The following ANGPTL1 variants were observed in gnomAD, a reference collection of about 807,000 sequenced individuals.
ANGPTL1 encodes the protein angiopoietin like 1.
ANGPTL1 carries 36 observed loss-of-function variants against 46.7 expected under a neutral mutation model. The ratio of observed to expected loss-of-function variants is 0.77; its 90% CI spans 0.59 to 1.02. The LOEUF is 1.02. Ranked by LOEUF, ANGPTL1 falls within the 50% of genes least tolerant of loss-of-function variation. ANGPTL1 has a pLI of 0.00. For missense variants in ANGPTL1, 571 were observed against 594.7 expected, an observed-to-expected ratio of 0.96 and a Z score of 0.41; for synonymous variants, 221 against 204.3, an observed-to-expected ratio of 1.08 and a Z score of -0.69.
intron 3 of ANGPTL1, among the ~76,000 whole-genome samples, chr1:178,856,198 GAGAGATATATATATATATAT>G (rs1377818331): frequency 3.0e-4 from 14 of 47,268 alleles, no homozygotes; most frequent in African/African-American, 8.1e-4. Context: ...TCCAGAGAGA[GAGAGATATATATATATATAT>G]ATATATATAT....
Position 178,865,415 on chromosome 1 carries a change from T to C in ANGPTL1, c.362A>G (p.Lys121Arg). 6.2e-7 allele frequency: 1 copy of C among 1,614,064 alleles called. No individual in the cohort carries two copies. Among genetic ancestry groups the C allele is most frequent in the Non-Finnish European group, 8.5e-7 (1 of 1,179,994 alleles). ...NIVNEVKLLRKESRNMNSRVT... is the reference protein window; with the variant it reads ...NIVNEVKLLRRESRNMNSRVT... The stretch of plus-strand genomic sequence containing the variant: ...ACGAGAGTTCATGTTACGGCTTTCC[T>C]TTCTCAGCAGCTTTACCTCATTCAC... The change falls in exon 3 of 6, where the codon AAG becomes AGG. Residue 121 changes from lysine (K) to arginine (R), a missense_variant. Transcript: ENST00000234816.
At chr1:178,863,413 T>C (rs1472251103) in intron 3 of ANGPTL1, among the ~76,000 whole-genome samples, 1 of 152,170 alleles carries the variant, frequency 6.6e-6, no homozygotes, top group Non-Finnish European at 1.5e-5. Context: ...CAGTGTAATA[T>C]CATATAGAAA....
At chr1:178,851,784 T>C (rs1206907433) in intron 5 of ANGPTL1, among the ~76,000 whole-genome samples, 1 of 152,156 alleles carries the variant, frequency 6.6e-6, no homozygotes, top group Non-Finnish European at 1.5e-5. Flanking sequence ...TCTTTTCTCG[T>C]TTACCAGTGT....
Position 178,851,046 on chromosome 1 carries a change from A to G in ANGPTL1, c.*83T>C. The G allele has an allele frequency of 2.3e-6, 3 of 1,283,618 alleles. No homozygotes were observed. Among genetic ancestry groups the G allele is most frequent in the Middle Eastern group, 2.0e-4 (1 of 4,944 alleles). The allele number at this position is 1,283,618 out of a possible 1,614,324, so 79.5% of individuals were successfully genotyped here. ...TTTCTGTGTAGAAATAAATTGTGCCAAGTAATATACATGTAACATTTACAT... is the reference window on the plus strand; with the variant it reads ...TTTCTGTGTAGAAATAAATTGTGCCGAGTAATATACATGTAACATTTACAT... On this transcript the variant is annotated 3_prime_UTR_variant, in exon 6 of 6. Coordinates refer to ENST00000234816, the MANE Select transcript of ANGPTL1 (RefSeq NM_004673.4).
Position 178,865,047 on chromosome 1 carries a change from C to A in ANGPTL1, c.730G>T (p.Gly244Cys). 6.6e-7 allele frequency: 1 copy of A among 1,506,038 alleles called. No homozygotes were observed. The highest frequency in any genetic ancestry group is 8.9e-7 in the Non-Finnish European group (1 of 1,127,884). The allele number at this position is 1,506,038 out of a possible 1,614,324, so 93.3% of individuals were successfully genotyped here. Residue 244 changes from glycine (G) to cysteine (C), a missense_variant, in exon 3 of 6, where the codon GGT (glycine) becomes TGT (cysteine). By Grantham distance (159) the Gly-to-Cys change is radical. Coordinates refer to ENST00000234816, the MANE Select transcript of ANGPTL1 (RefSeq NM_004673.4). ...LGGNEIQRDPGYPRDLMPPPD... is the reference protein window; with the variant it reads ...LGGNEIQRDPCYPRDLMPPPD... ...GGTGGCATTAAATCTCTGGGATAAC[C>A]TGGATCCCTCTGAATCTCGTTACCT... is the stretch of plus-strand genomic sequence containing the variant.
intron 3 of ANGPTL1, among the ~76,000 whole-genome samples, chr1:178,858,485 A>G (rs1172855081): frequency 6.6e-6 from 1 of 152,182 alleles, no homozygotes; most frequent in African/African-American, 2.4e-5. Context: ...TTTGTTCATG[A>G]TGATTCAAAA....
Position 178,871,044 on chromosome 1 carries a change from A to G in ANGPTL1, c.-440T>C, listed in dbSNP as rs1658728613. The stretch of plus-strand genomic sequence containing the variant: ...GTCTGCCACATGGAGAAATGCAGTA[A>G]CCAGCTGCAGCTGACCCAGATTGTA... On this transcript the variant is annotated 5_prime_UTR_variant, in exon 1 of 6. Coordinates refer to ENST00000234816, the MANE Select transcript of ANGPTL1 (RefSeq NM_004673.4). The G allele has an allele frequency of 1.3e-5, 2 of 152,190 alleles. No homozygotes were observed. Among genetic ancestry groups the G allele is most frequent in the Non-Finnish European group, 2.9e-5 (2 of 68,046 alleles). The allele number at this position is 152,190 out of a possible 1,614,324, so 9.4% of individuals were successfully genotyped here.
Position 178,865,593 on chromosome 1 carries a change from C to T in ANGPTL1, c.184G>A (p.Gly62Arg). 6.2e-7 allele frequency: 1 copy of T among 1,614,002 alleles called. No homozygotes were observed. The highest frequency in any genetic ancestry group is 8.5e-7 in the Non-Finnish European group (1 of 1,179,930). Reference protein sequence around the residue: ...TFLVPEQRITGPICVNTKGQD... With the variant: ...TFLVPEQRITRPICVNTKGQD... ...CCCTTGGTGTTGACACAGATTGGCC[C>T]TGTTATTCTTTGTTCAGGTACCAGG... is the stretch of plus-strand genomic sequence containing the variant. The change falls in exon 3 of 6, where the codon GGG (glycine) becomes AGG (arginine). Residue 62 changes from glycine to arginine, a missense_variant. Transcript: ENST00000234816.
intron 3 of ANGPTL1, among the ~76,000 whole-genome samples, chr1:178,856,190 CAGAG>C (rs139246466): frequency 0.022 from 1,489 of 68,902 alleles, 47 homozygotes; most frequent in East Asian, 0.1. Flanking sequence ...TGTACTTTTC[CAGAG>C]AGAGAGAGAT....
chr1:178,863,681 G>A (rs1269651507), intron 3 of ANGPTL1, among the ~76,000 whole-genome samples: 1 of 151,918 alleles, frequency 6.6e-6, no homozygotes, highest in Non-Finnish European at 1.5e-5. Context: ...TCTGAGCAGT[G>A]GTGATACTTG....
Position 178,850,091 on chromosome 1 carries a change from A to G in ANGPTL1, c.*1038T>C, listed in dbSNP as rs960204518. 8 of 152,670 alleles carry G rather than the reference A, an allele frequency of 5.2e-5. No homozygotes were observed. Among genetic ancestry groups the G allele is most frequent in the Non-Finnish European group, 1.2e-4 (8 of 68,058 alleles). The allele number at this position is 152,670 out of a possible 1,614,324, so 9.5% of individuals were successfully genotyped here. On this transcript the variant is annotated 3_prime_UTR_variant, in exon 6 of 6. Coordinates refer to ENST00000234816, the MANE Select transcript of ANGPTL1 (RefSeq NM_004673.4). The stretch of plus-strand genomic sequence containing the variant: ...TGAAATTAGCAGTTTGGACTAAGCT[A>G]TGCCCCTGTGGCTTCTGCTCTGGAG...
At chr1:178,857,710 A>G (rs1329201063) in intron 3 of ANGPTL1, among the ~76,000 whole-genome samples, 2 of 152,144 alleles carry the variant, frequency 1.3e-5, no homozygotes, top group Non-Finnish European at 1.5e-5. Flanking sequence ...ATTTTCGTAA[A>G]TGTTTACTCT....
rs551634791 is a variant in ANGPTL1 at position 178,852,952 on chromosome 1, T to C, written c.1019A>G (p.Lys340Arg). 2.4e-5 allele frequency: 39 copies of C among 1,606,270 alleles called. No individual in the cohort carries two copies. The highest frequency in any genetic ancestry group is 1.2e-4 in the Admixed American group (7 of 58,438). The part of the protein sequence containing the change: ...NFFRNWENYK[K>R]GFGNIDGEYW... ...TTCTCCGTCAATGTTTCCAAACCCT[T>C]TCTGTTAATAAGTGAAGAAACATGA... is the stretch of plus-strand genomic sequence containing the variant. The change falls in exon 5 of 6, where the codon AAA (lysine) becomes AGA (arginine). Residue 340 changes from lysine to arginine, a missense_variant and splice_region_variant. By Grantham distance (26) the Lys-to-Arg change is conservative. Coordinates refer to ENST00000234816, the MANE Select transcript of ANGPTL1 (RefSeq NM_004673.4).
chr1:178,869,167 T>C lies in ANGPTL1; in HGVS notation c.-80A>G, dbSNP rs1658596737. 6.6e-6 allele frequency: 1 copy of C among 152,078 alleles called. No homozygotes were observed. Among genetic ancestry groups the C allele is most frequent in the Non-Finnish European group, 1.5e-5 (1 of 67,940 alleles). The allele number at this position is 152,078 out of a possible 1,614,324, so 9.4% of individuals were successfully genotyped here. Reference sequence around the variant, plus strand: ...TTTTAGAAGAGAAAAAAAAGTCTTCTATGCGTTGGGTTAATTTTATTAGTA... The same window carrying C: ...TTTTAGAAGAGAAAAAAAAGTCTTCCATGCGTTGGGTTAATTTTATTAGTA... On this transcript the variant is annotated 5_prime_UTR_variant, in exon 2 of 6. The change creates a new upstream start codon in the 5' untranslated region. Transcript: ENST00000234816.
intron 3 of ANGPTL1, among the ~76,000 whole-genome samples, chr1:178,856,420 T>TTTTTTTTTTTTTG (rs1558152822): frequency 9.1e-5 from 11 of 120,578 alleles, no homozygotes; most frequent in African/African-American, 3.8e-4. Context: ...TTTTTTTTTT[T>TTTTTTTTTTTTTG]TTTTTTGAGA....
In ANGPTL1 at chr1:178,856,965, G is replaced by A. The variant is rs561244496; in HGVS notation, c.824-3178C>T. Among the ~76,000 whole-genome samples, 4 of 152,220 alleles carry A rather than the reference G, an allele frequency of 2.6e-5. No homozygotes were observed. The South Asian group carries it at 8.3e-4, about 32-fold the overall frequency. On this transcript the variant is annotated intron_variant, in intron 3 of 5. Coordinates refer to ENST00000234816, the MANE Select transcript of ANGPTL1 (RefSeq NM_004673.4). ...CTTGGAAAAAATCCCATGTAAACCA[G>A]TATAACCTCTCTGTTTTGCTACCAC...
intron 5 of ANGPTL1, 64 bp downstream of exon 5, chr1:178,852,619 G>A (rs1657247912): frequency 1.3e-6 from 2 of 1,507,328 alleles, no homozygotes; most frequent in South Asian, 2.6e-5. Flanking sequence ...ATATATATTA[G>A]TAGATTCTAT....
At chr1:178,856,202 G>GAGATATATATCTATATATATATAT (rs1428022812) in intron 3 of ANGPTL1, among the ~76,000 whole-genome samples, 1 of 83,912 alleles carries the variant, frequency 1.2e-5, no homozygotes, top group African/African-American at 6.4e-5. Context: ...GAGAGAGAGA[G>GAGATATATATCTATATATATATAT]ATATATATAT....
chr1:178,853,797 A>C lies in ANGPTL1; in HGVS notation c.824-10T>G. On this transcript the variant is annotated splice_polypyrimidine_tract_variant and intron_variant, in intron 3 of 5. Transcript: ENST00000234816. ...CAGTCTTTGAATGGTCCTATAATTTAAATATCATTTATTATCAGCAAACTT... is the reference window on the plus strand; with the variant it reads ...CAGTCTTTGAATGGTCCTATAATTTCAATATCATTTATTATCAGCAAACTT... 3 of 1,542,426 alleles carry C rather than the reference A, an allele frequency of 1.9e-6. No individual in the cohort carries two copies. Among genetic ancestry groups the C allele is most frequent in the Non-Finnish European group, 2.6e-6 (3 of 1,148,888 alleles).
Sources: gnomAD v4.1 joint callset for allele counts (sites outside exome capture counted in the v4.1 genomes callset) on GRCh38, gnomAD v4.1.1 for gene constraint, MANE v1.5 for transcripts, NCBI Gene and HGNC (gene_info 2026-07-23, HGNC 2026-07-21) for gene names.